Variants in FHIT observed in about 807,000 individuals in gnomAD.
FHIT encodes bis(5'-adenosyl)-triphosphatase.
Under a neutral mutation model 17.9 loss-of-function variants are expected in FHIT, and 19 were observed. That is an observed-to-expected ratio of 1.06 (90% CI 0.74 to 1.56). The LOEUF (loss-of-function observed/expected upper bound fraction) is 1.56. Ranked by LOEUF, FHIT falls within the 40% of genes most tolerant of loss-of-function variation. The probability of loss-of-function intolerance (pLI) is 0.00; values close to 1 mark genes in which losing one functional copy is unlikely to be tolerated. For synonymous variants in FHIT, 81 were observed against 69.7 expected, an observed-to-expected ratio of 1.16 and a Z score of -0.81; for missense variants, 248 against 189.2, an observed-to-expected ratio of 1.31 and a Z score of -1.82.
intron 4 of FHIT, among the ~76,000 whole-genome samples, chr3:60,614,842 G>T (rs2363668): frequency 0.65 from 37,496 of 57,468 alleles, 10,140 homozygotes; most frequent in South Asian, 0.71. Context: ...TTTTTTTTTT[G>T]TTTTTTGAGA....
chr3:60,602,197 G>A (rs1307213908), intron 4 of FHIT, among the ~76,000 whole-genome samples: 9 of 152,128 alleles, frequency 5.9e-5, no homozygotes, highest in Non-Finnish European at 1.0e-4. Flanking sequence ...AGTATCCTGA[G>A]AAAAATTTAA....
At chr3:60,193,362 A>G (rs1373240472) in intron 5 of FHIT, among the ~76,000 whole-genome samples, 1 of 152,192 alleles carries the variant, frequency 6.6e-6, no homozygotes. Flanking sequence ...AGGTCTGGGC[A>G]TTTGTCTTTC....
chr3:59,983,816 G>A (rs941353509), intron 7 of FHIT, among the ~76,000 whole-genome samples: 2 of 152,032 alleles, frequency 1.3e-5, no homozygotes, highest in African/African-American at 2.4e-5. Flanking sequence ...CAAAGACAGG[G>A]ACCTGATTTG....
chr3:61,143,144 A>G (rs1489497291), intron 2 of FHIT, among the ~76,000 whole-genome samples: 3 of 152,230 alleles, frequency 2.0e-5, no homozygotes, highest in East Asian at 1.9e-4. Context: ...TTAAATTACA[A>G]TAATACATGA....
At chr3:60,626,804 A>AG (rs2039301620) in intron 4 of FHIT, among the ~76,000 whole-genome samples, 2 of 30,824 alleles carry the variant, frequency 6.5e-5, no homozygotes. Context: ...TTTTTTTTTT[A>AG]CGTTAAGTAT....
chr3:59,766,343 G>C (rs1701795788), intron 8 of FHIT, among the ~76,000 whole-genome samples: 1 of 152,190 alleles, frequency 6.6e-6, no homozygotes, highest in African/African-American at 2.4e-5. Context: ...ATTCCAAAAT[G>C]TCCACCAAAG....
chr3:60,497,805 A>G (rs1217953818), intron 5 of FHIT, among the ~76,000 whole-genome samples: 1 of 152,178 alleles, frequency 6.6e-6, no homozygotes, highest in African/African-American at 2.4e-5. Context: ...CACACACCCC[A>G]TCATGCTTCC....
chr3:60,457,244 T>A (rs1455979190), intron 5 of FHIT, among the ~76,000 whole-genome samples: 1 of 151,720 alleles, frequency 6.6e-6, no homozygotes, highest in Admixed American at 6.6e-5. Context: ...TATAGACCAA[T>A]GGAACAGAAC....
intron 5 of FHIT, among the ~76,000 whole-genome samples, chr3:60,375,746 T>C (rs1427584620): frequency 6.6e-6 from 1 of 152,120 alleles, no homozygotes; most frequent in Non-Finnish European, 1.5e-5. Context: ...AAATTTTCAC[T>C]GGGTCAGTGC....
chr3:60,354,275 C>A (rs375428713), intron 5 of FHIT, among the ~76,000 whole-genome samples: 6 of 152,200 alleles, frequency 3.9e-5, no homozygotes, highest in East Asian at 1.9e-4. Flanking sequence ...CTGTGAAAGG[C>A]AGACTGATTA....
At chr3:61,106,551 A>C (rs2035994044) in intron 2 of FHIT, among the ~76,000 whole-genome samples, 1 of 152,206 alleles carries the variant, frequency 6.6e-6, no homozygotes, top group Admixed American at 6.5e-5. Context: ...TTAATAGACA[A>C]ATAAAAATTG....
chr3:60,027,135 AC>A (rs879594791), intron 5 of FHIT, among the ~76,000 whole-genome samples: 5,345 of 127,648 alleles, frequency 0.042, 216 homozygotes, highest in Middle Eastern at 0.07. Context: ...ACACACACAC[AC>A]ACACACACAC....
intron 5 of FHIT, among the ~76,000 whole-genome samples, chr3:60,255,349 C>A (rs1324336099): frequency 6.6e-6 from 1 of 152,152 alleles, no homozygotes; most frequent in African/African-American, 2.4e-5. Flanking sequence ...CAACTCCAAA[C>A]CTTCGACAAT....
chr3:60,011,190 G>A (rs1236384648), intron 7 of FHIT, among the ~76,000 whole-genome samples, 181 bp downstream of exon 7: 1 of 152,172 alleles, frequency 6.6e-6, no homozygotes, highest in Non-Finnish European at 1.5e-5. Flanking sequence ...GTAAACCAAT[G>A]GGAAACATAT....
At chr3:60,059,672 C>T (rs571942961) in intron 5 of FHIT, among the ~76,000 whole-genome samples, 1 of 152,076 alleles carries the variant, frequency 6.6e-6, no homozygotes, top group Non-Finnish European at 1.5e-5. Flanking sequence ...TGCTGCAGGC[C>T]CATATCGATT....
chr3:60,098,754 G>A (rs569870327), intron 5 of FHIT, among the ~76,000 whole-genome samples: 1 of 152,186 alleles, frequency 6.6e-6, no homozygotes, highest in African/African-American at 2.4e-5. Context: ...AAACTTTATT[G>A]TAAGAAAACA....
intron 3 of FHIT, among the ~76,000 whole-genome samples, chr3:60,970,877 T>C (rs139206131): frequency 6.6e-5 from 10 of 152,338 alleles, no homozygotes; most frequent in African/African-American, 2.4e-4. Flanking sequence ...TTTATCATCC[T>C]GCTTTAGCAA....
chr3:61,217,222 AG>A (rs1416725164), intron 1 of FHIT, among the ~76,000 whole-genome samples: 2 of 152,246 alleles, frequency 1.3e-5, no homozygotes, highest in Non-Finnish European at 2.9e-5. Context: ...GAATCCTGGC[AG>A]GGTTCAGCAG....
At chr3:60,109,791 T>G (rs1303639634) in intron 5 of FHIT, among the ~76,000 whole-genome samples, 1 of 152,188 alleles carries the variant, frequency 6.6e-6, no homozygotes, top group Non-Finnish European at 1.5e-5. Context: ...TTTCTGCAGG[T>G]GAAGTTCTTC....
Sources: allele counts gnomAD v4.1 joint callset (sites outside exome capture counted in the v4.1 genomes callset), GRCh38; gene constraint gnomAD v4.1.1; transcripts MANE v1.5; gene names NCBI Gene and HGNC (gene_info 2026-07-23, HGNC 2026-07-21).